Variants in RBBP5 observed in about 807,000 individuals in gnomAD.
RBBP5 encodes RB binding protein 5, histone lysine methyltransferase complex subunit, also known as retinoblastoma-binding protein 5.
RBBP5 carries 5 observed loss-of-function variants against 72.2 expected under a neutral mutation model. The observed-to-expected ratio is 0.07, with a 90% CI of 0.04 to 0.15. RBBP5 has a LOEUF of 0.15. Among genes scored for constraint, RBBP5 ranks in the 10% least tolerant of loss-of-function variants. The probability of loss-of-function intolerance (pLI) is 1.00; values close to 1 mark genes in which losing one functional copy is unlikely to be tolerated. For missense variants in RBBP5, 322 were observed against 652.2 expected (o/e 0.49, Z 5.51); for synonymous variants, 209 against 237.2 (o/e 0.88, Z 1.09).
At chr1:205,089,479 G>A (rs1409181540) in intron 13 of RBBP5, among the ~76,000 whole-genome samples, 1 of 152,200 alleles carries the variant, frequency 6.6e-6, no homozygotes, top group Non-Finnish European at 1.5e-5. Flanking sequence ...TAACTAGGAA[G>A]TGTAAAAAGA....
chr1:205,095,138 C>G, intron 12 of RBBP5, 74 bp from the exon 13 acceptor site: 1 of 1,392,860 alleles, frequency 7.2e-7, no homozygotes, highest in Non-Finnish European at 1.0e-6. Flanking sequence ...CTTTGTTGAG[C>G]AAAGAATGTT....
At chr1:205,098,346 A>G (rs1655694248) in intron 10 of RBBP5, among the ~76,000 whole-genome samples, 1 of 152,190 alleles carries the variant, frequency 6.6e-6, no homozygotes, top group African/African-American at 2.4e-5. Context: ...GAGCACTCTT[A>G]GCATGGTGAG....
intron 3 of RBBP5, among the ~76,000 whole-genome samples, chr1:205,112,733 A>G (rs1318711582): frequency 1.3e-5 from 2 of 152,212 alleles, no homozygotes; most frequent in Non-Finnish European, 2.9e-5. Flanking sequence ...AAAAGTTGTT[A>G]AAGGCTACTC....
At chr1:205,093,460 A>C (rs1261209028) in intron 13 of RBBP5, among the ~76,000 whole-genome samples, 2 of 5,548 alleles carry the variant, frequency 3.6e-4, no homozygotes, top group Non-Finnish European at 5.3e-4. Context: ...CTCCGTTTCA[A>C]AAAAAAAAAA....
chr1:205,104,713 C>T (rs1006810199), intron 4 of RBBP5, among the ~76,000 whole-genome samples: 1 of 151,852 alleles, frequency 6.6e-6, no homozygotes, highest in African/African-American at 2.4e-5. Context: ...TGGTGGCACG[C>T]ACCTGCAGTC....
rs1204598107 is a variant in RBBP5 at position 205,093,479 on chromosome 1, AATAT to A, written c.1588+1390_1588+1393del. 2.0e-3 allele frequency among the ~76,000 whole-genome samples: 16 copies of A among 7,832 alleles called. 1 individual carries two copies. Among genetic ancestry groups the A allele is most frequent in the Non-Finnish European group, 3.1e-3 (10 of 3,258 alleles). The allele number at this position is 7,832 out of a possible 152,430, so 5.1% of individuals were successfully genotyped here. ...GTTTCAAAAAAAAAAAAAAAAAAAA[AATAT>A]ATATATATATATATATATATATATA... On this transcript the variant is annotated intron_variant, in intron 13 of 13. Transcript: ENST00000264515.
chr1:205,098,569 C>T (rs1574694949), intron 10 of RBBP5, among the ~76,000 whole-genome samples: 1 of 152,102 alleles, frequency 6.6e-6, no homozygotes, highest in Non-Finnish European at 1.5e-5. Context: ...ATAGGCCAGG[C>T]ACAGTGGCTC....
intron 1 of RBBP5, among the ~76,000 whole-genome samples, chr1:205,116,797 G>A (rs576382874): frequency 1.1e-4 from 17 of 152,206 alleles, no homozygotes; most frequent in African/African-American, 3.6e-4. Flanking sequence ...CTGGGCGACA[G>A]AACAAGACTC....
chr1:205,111,018 C>T (rs1362605711), intron 3 of RBBP5, among the ~76,000 whole-genome samples: 1 of 152,024 alleles, frequency 6.6e-6, no homozygotes, highest in Non-Finnish European at 1.5e-5. Context: ...GAGCCGAGAT[C>T]GTGCCACTGC....
chr1:205,113,867 TAG>T (rs1378725694), intron 3 of RBBP5, among the ~76,000 whole-genome samples: 1 of 152,046 alleles, frequency 6.6e-6, no homozygotes, highest in Non-Finnish European at 1.5e-5. Flanking sequence ...GTATTTTTAG[TAG>T]AGACGGGGTT....
chr1:205,091,012 C>T (rs1015839893), intron 13 of RBBP5, among the ~76,000 whole-genome samples: 6 of 152,152 alleles, frequency 3.9e-5, no homozygotes, highest in Non-Finnish European at 7.3e-5. Flanking sequence ...GGCACCAGGG[C>T]AGTGGTGTAG....
At chr1:205,100,934 C>T (rs1213476752) in intron 6 of RBBP5, among the ~76,000 whole-genome samples, 1 of 152,138 alleles carries the variant, frequency 6.6e-6, no homozygotes, top group African/African-American at 2.4e-5. Context: ...GAGTGTACAA[C>T]CTAGATCCCT....
Position 205,121,971 on chromosome 1 carries a change from A to T in RBBP5, c.-98T>A. On this transcript the variant is annotated 5_prime_UTR_variant, in exon 1 of 14. Coordinates refer to ENST00000264515, the MANE Select transcript of RBBP5 (RefSeq NM_005057.4). ...CGTCTAAGTGGTGGACGCCGCGAAG[A>T]GACTGGCGCAAGCTCCGAAGACTTT... 2 of 1,565,888 alleles carry T rather than the reference A, an allele frequency of 1.3e-6. No individual in the cohort carries two copies. Among genetic ancestry groups the T allele is most frequent in the Non-Finnish European group, 1.7e-6 (2 of 1,154,106 alleles).
intron 3 of RBBP5, among the ~76,000 whole-genome samples, chr1:205,106,425 T>C (rs1290240237): frequency 1.3e-5 from 2 of 152,052 alleles, no homozygotes; most frequent in Admixed American, 6.6e-5. Context: ...TGAAACTCCG[T>C]TGTCTACTAA....
intron 3 of RBBP5, among the ~76,000 whole-genome samples, chr1:205,106,061 G>A (rs1438197007): frequency 6.6e-6 from 1 of 152,096 alleles, no homozygotes; most frequent in African/African-American, 2.4e-5. Flanking sequence ...TAATGAGGTC[G>A]CACCACCATG....
At chr1:205,116,319 T>A (rs1427480190) in intron 1 of RBBP5, 8 of 380,542 alleles carry the variant, frequency 2.1e-5, no homozygotes, top group Non-Finnish European at 4.3e-5. Flanking sequence ...AAATATTATC[T>A]CAGTTTTAAC....
intron 3 of RBBP5, among the ~76,000 whole-genome samples, chr1:205,106,073 T>C (rs1184781508): frequency 6.6e-6 from 1 of 152,168 alleles, no homozygotes; most frequent in Non-Finnish European, 1.5e-5. Flanking sequence ...ACCACCATGG[T>C]GTCAGAGAAG....
intron 1 of RBBP5, among the ~76,000 whole-genome samples, 184 bp downstream of exon 1, chr1:205,121,671 G>A (rs572022053): frequency 6.6e-6 from 1 of 152,254 alleles, no homozygotes; most frequent in Admixed American, 6.5e-5. Flanking sequence ...CCTCGGGAGG[G>A]GCAATGCAAC....
At chr1:205,113,645 T>C (rs1656404879) in intron 3 of RBBP5, among the ~76,000 whole-genome samples, 1 of 151,878 alleles carries the variant, frequency 6.6e-6, no homozygotes, top group African/African-American at 2.4e-5. Context: ...CTCGAAATTT[T>C]ATATTATGTG....
Sources: gnomAD v4.1 joint callset for allele counts (sites outside exome capture counted in the v4.1 genomes callset) on GRCh38, gnomAD v4.1.1 for gene constraint, MANE v1.5 for transcripts, NCBI Gene and HGNC (gene_info 2026-07-23, HGNC 2026-07-21) for gene names.